Variants in RPL31 observed in about 807,000 individuals in gnomAD.
RPL31 encodes large ribosomal subunit protein eL31.
For missense variants in RPL31, 95 were observed against 164.0 expected, an observed-to-expected ratio of 0.58 and a Z score of 2.30; for synonymous variants, 51 against 55.0, an observed-to-expected ratio of 0.93 and a Z score of 0.32.
chr2:101,010,071 C>T (rs904327103), downstream of RPL31, among the ~76,000 whole-genome samples: 1 of 152,042 alleles, frequency 6.6e-6, no homozygotes, highest in African/African-American at 2.4e-5. Context: ...CGTAATCCAC[C>T]CGCCTCGGCC....
chr2:101,006,167 C>G, intron 4 of RPL31, 96 bp downstream of exon 4: 1 of 1,529,568 alleles, frequency 6.5e-7, no homozygotes, highest in Admixed American at 2.2e-5. Context: ...GGGTGACACA[C>G]GTCATTGTAC....
intron 3 of RPL31, 109 bp from the exon 4 acceptor site, chr2:101,005,850 G>C (rs1678710476): frequency 4.3e-6 from 4 of 926,232 alleles, no homozygotes; most frequent in Non-Finnish European, 5.1e-6. Flanking sequence ...GGTCAGAGTA[G>C]AGCAAAGGAC....
chr2:101,014,445 G>A (rs1679464145), intron 4 of RPL31, among the ~76,000 whole-genome samples: 1 of 151,994 alleles, frequency 6.6e-6, no homozygotes, highest in Admixed American at 6.5e-5. Flanking sequence ...CATTTTTTGT[G>A]CCCTGTGAGA....
At chr2:101,005,452 G>C (rs1218639168) in intron 3 of RPL31, 1 of 154,606 alleles carries the variant, frequency 6.5e-6, no homozygotes, top group African/African-American at 2.4e-5. Flanking sequence ...GGGATTACAG[G>C]CAGCCGCCAC....
At chr2:101,011,599 G>C, downstream of RPL31, 2 of 1,568,830 alleles carry the variant, frequency 1.3e-6, no homozygotes, top group South Asian at 2.2e-5. Flanking sequence ...AAAACTGACA[G>C]TAATGTAGCT....
At chr2:101,008,157 C>T (rs1401689437), downstream of RPL31, 4 of 1,613,848 alleles carry the variant, frequency 2.5e-6, no homozygotes, top group Non-Finnish European at 3.4e-6. Context: ...GCTGCCCCAC[C>T]TCCCCGATCT....
chr2:101,009,805 T>C (rs2105357108), downstream of RPL31, among the ~76,000 whole-genome samples: 1 of 149,458 alleles, frequency 6.7e-6, no homozygotes, highest in South Asian at 2.1e-4. Flanking sequence ...ATGACTTAAG[T>C]CCTATAAAAA....
intron 4 of RPL31, among the ~76,000 whole-genome samples, chr2:101,015,473 A>G (rs926978599): frequency 6.6e-6 from 1 of 152,236 alleles, no homozygotes; most frequent in African/African-American, 2.4e-5. Flanking sequence ...TTTTTACTTT[A>G]TAAACTTTTT....
At chr2:101,012,286 C>CA (rs757343579) in intron 4 of RPL31, among the ~76,000 whole-genome samples, 23 of 151,974 alleles carry the variant, frequency 1.5e-4, no homozygotes, top group South Asian at 1.5e-3. Flanking sequence ...TCATAGTAGC[C>CA]AAAAAAACAC....
rs551390922 is a variant in RPL31 at position 101,002,709 on chromosome 2, C to T, written c.8C>T (p.Pro3Leu). ...CTTGTCGCCTGCATTTAGATGGCTC[C>T]CGCAAAGAAGGGTGGCGAGAAGAAA... MA[P>L]AKKGGEKKKG... Residue 3 changes from proline (P) to leucine (L), a missense_variant, in exon 2 of 5, where the codon CCC (proline) becomes CTC (leucine). Pro to Leu is a moderately conservative substitution (Grantham distance 98, BLOSUM62 -3). Transcript: ENST00000264258. 1 of 1,613,896 alleles carries T rather than the reference C, an allele frequency of 6.2e-7. No homozygotes were observed. The highest frequency in any genetic ancestry group is 8.5e-7 in the Non-Finnish European group (1 of 1,179,828).
Position 101,006,541 on chromosome 2 carries a change from G to T in RPL31, c.*160G>T. 1 of 647,228 alleles carries T rather than the reference G, an allele frequency of 1.5e-6. No individual in the cohort carries two copies. The highest frequency in any genetic ancestry group is 2.5e-6 in the Non-Finnish European group (1 of 405,650). The allele number at this position is 647,228 out of a possible 1,614,324, so 40.1% of individuals were successfully genotyped here. A position where few individuals can be genotyped will look rare whatever the true frequency, so the allele number is the denominator to read the frequency against. The stretch of plus-strand genomic sequence containing the variant: ...TGTGCTGCCTTCTCCCCATCCCCTG[G>T]GGTTTTAAAGTGATTTCAAACTGCA... On this transcript the variant is annotated 3_prime_UTR_variant, in exon 5 of 5. Coordinates refer to ENST00000264258, the MANE Select transcript of RPL31 (RefSeq NM_000993.5).
chr2:101,013,565 G>A (rs899166342), intron 4 of RPL31, among the ~76,000 whole-genome samples: 2 of 152,190 alleles, frequency 1.3e-5, no homozygotes, highest in Non-Finnish European at 2.9e-5. Flanking sequence ...TCAGACTTCT[G>A]TTTGAAGGTA....
rs13007048 is a variant in RPL31 at position 101,019,076 on chromosome 2, C to T, written c.*38C>T. The T allele has an allele frequency of 0.29, 467,994 of 1,592,348 alleles. 72,343 individuals are homozygous for T. The highest frequency in any genetic ancestry group is 0.38 in the Middle Eastern group (2,254 of 5,970). ...TGGAAGTGGATGAGGCCTTGGGTCT[C>T]GGCTCTTCATTGCTTCCTGAGCTGC... is the stretch of plus-strand genomic sequence containing the variant. On this transcript the variant is annotated 3_prime_UTR_variant, in exon 5 of 5. Coordinates refer to the RPL31 transcript ENST00000409028.
downstream of RPL31, chr2:101,011,583 C>G: frequency 1.3e-6 from 2 of 1,598,362 alleles, no homozygotes; most frequent in Non-Finnish European, 1.7e-6. Flanking sequence ...AATTTTCTGC[C>G]TTACCAAAAC....
chr2:101,018,916 T>G, intron 4 of RPL31: 1 of 1,544,388 alleles, frequency 6.5e-7, no homozygotes, highest in East Asian at 2.3e-5. Flanking sequence ...TGAAAACTGT[T>G]GATGTCCTAA....
downstream of RPL31, among the ~76,000 whole-genome samples, chr2:101,008,486 A>G (rs189910300): frequency 2.8e-4 from 42 of 152,304 alleles, 1 homozygote; most frequent in East Asian, 7.3e-3. Context: ...AGACCTTCCT[A>G]GAGGATGTGC....
chr2:101,005,787 A>G (rs1285247906), intron 3 of RPL31, 172 bp from the exon 4 acceptor site: 7 of 619,148 alleles, frequency 1.1e-5, no homozygotes, highest in Non-Finnish European at 2.0e-5. Context: ...ACAGCATTTA[A>G]TGTTCACCTG....
downstream of RPL31, among the ~76,000 whole-genome samples, chr2:101,009,824 T>A (rs1186978084): frequency 7.2e-6 from 1 of 139,812 alleles, no homozygotes; most frequent in East Asian, 2.0e-4. Flanking sequence ...AAAGGAGCTT[T>A]TTCTTTTTTT....
At chr2:101,018,963 A>G (rs775393570) in intron 4 of RPL31, 4 of 1,605,200 alleles carry the variant, frequency 2.5e-6, no homozygotes, top group Admixed American at 1.7e-5. Context: ...GTTACCTGAC[A>G]TGGTACCAAA....
Sources: allele counts gnomAD v4.1 joint callset (sites outside exome capture counted in the v4.1 genomes callset), GRCh38; gene constraint gnomAD v4.1.1; transcripts MANE v1.5; gene names NCBI Gene and HGNC (gene_info 2026-07-23, HGNC 2026-07-21).